POF1B: variants seen among roughly 807,000 people sequenced by gnomAD.
The protein encoded by POF1B is protein POF1B.
Under a neutral mutation model 55.3 loss-of-function variants are expected in POF1B, and 53 were observed. The ratio of observed to expected loss-of-function variants is 0.96; its 90% CI spans 0.77 to 1.20. The LOEUF (loss-of-function observed/expected upper bound fraction) is 1.20. POF1B is among the 50% of genes most tolerant of loss of function. The probability of loss-of-function intolerance (pLI) is 0.00; values close to 1 mark genes in which losing one functional copy is unlikely to be tolerated. For missense variants in POF1B, 478 were observed against 420.5 expected (o/e 1.14, Z -1.20); for synonymous variants, 188 against 148.3 (o/e 1.27, Z -1.95).
At chrX:85,329,352 A>C (rs1432855696) in intron 7 of POF1B, among the ~76,000 whole-genome samples, 1 of 111,639 alleles carries the variant, frequency 9.0e-6, no homozygotes, top group African/African-American at 3.3e-5. Context: ...GATGGTGTTG[A>C]TTAGGATAAA....
At chrX:85,334,023 G>A (rs986915883) in intron 6 of POF1B, among the ~76,000 whole-genome samples, 1 of 110,721 alleles carries the variant, frequency 9.0e-6, no homozygotes, top group African/African-American at 3.3e-5. Flanking sequence ...CAAGACCAAG[G>A]TGAAATTTCC....
rs750418715 is a variant in POF1B, at chrX:85,314,522, G to C, written c.883-16C>G. The C allele has an allele frequency of 8.7e-7, 1 of 1,144,003 alleles. No individual in the cohort carries two copies. Among genetic ancestry groups the C allele is most frequent in the South Asian group, 2.0e-5 (1 of 50,442 alleles). 94.3% of individuals were successfully genotyped at this position (1,144,003 alleles called of 1,213,427 possible). On this transcript the variant is annotated splice_polypyrimidine_tract_variant and intron_variant, in intron 8 of 16. Coordinates refer to ENST00000262753, the MANE Select transcript of POF1B (RefSeq NM_024921.4). Reference sequence around the variant, plus strand: ...TGTCTTCCGACTGTAAGAAAAAAAGGCTTATCCATGGAACAGATACATATC... The same window carrying C: ...TGTCTTCCGACTGTAAGAAAAAAAGCCTTATCCATGGAACAGATACATATC...
At chrX:85,301,898 A>G (rs1932467645) in intron 15 of POF1B, among the ~76,000 whole-genome samples, 2 of 111,910 alleles carry the variant, frequency 1.8e-5, no homozygotes, top group African/African-American at 3.2e-5. Context: ...GTGGTTTACA[A>G]GAGTCACAGT....
chrX:85,303,707 C>G (rs964277437), intron 14 of POF1B, among the ~76,000 whole-genome samples: 3 of 110,964 alleles, frequency 2.7e-5, no homozygotes, highest in Non-Finnish European at 5.7e-5. Flanking sequence ...GTGCAGGAAC[C>G]TGCAACTGAT....
chrX:85,354,540 T>C (rs1933449853), intron 4 of POF1B, among the ~76,000 whole-genome samples: 1 of 111,232 alleles, frequency 9.0e-6, no homozygotes, highest in African/African-American at 3.3e-5. Flanking sequence ...GATGACATGA[T>C]TGTATATCTA....
chrX:85,298,506 T>A (rs1486896400), intron 15 of POF1B, among the ~76,000 whole-genome samples: 1 of 111,878 alleles, frequency 8.9e-6, no homozygotes, highest in African/African-American at 3.3e-5. Context: ...GGCACACCAA[T>A]GCAGTTTTCC....
chrX:85,289,866 C>T (rs1932141878), intron 15 of POF1B, among the ~76,000 whole-genome samples: 1 of 110,890 alleles, frequency 9.0e-6, no homozygotes, highest in South Asian at 3.8e-4. Context: ...GTCTAATTTT[C>T]GACAGAAAAT....
chrX:85,378,665 A>G (rs1933960122), intron 2 of POF1B, among the ~76,000 whole-genome samples: 1 of 112,140 alleles, frequency 8.9e-6, no homozygotes, highest in South Asian at 3.7e-4. Flanking sequence ...GATGAAACAC[A>G]TATGACAATT....
In POF1B at chrX:85,353,575, C is replaced by T. The variant is rs148642412; in HGVS notation, c.439-2124G>A. Among the ~76,000 whole-genome samples the T allele has an allele frequency of 7.3e-3, 809 of 111,150 alleles. 14 individuals carry two copies. The highest frequency in any genetic ancestry group is 0.025 in the African/African-American group (766 of 30,711). The stretch of plus-strand genomic sequence containing the variant: ...TCCCCAGAACACTCAGCAAACTACA[C>T]AGTGCATAGTAATCCCTTTAACATG... On this transcript the variant is annotated intron_variant, in intron 4 of 16. Coordinates refer to ENST00000262753, the MANE Select transcript of POF1B (RefSeq NM_024921.4).
chrX:85,323,004 A>C (rs1200645601), intron 7 of POF1B, among the ~76,000 whole-genome samples: 1 of 110,241 alleles, frequency 9.1e-6, no homozygotes, highest in East Asian at 2.9e-4. Flanking sequence ...GTGGGACTGT[A>C]AACTAGTTCA....
rs182171229 is a variant in POF1B, at chrX:85,280,949, G to A, written c.1764+1254C>T. Among the ~76,000 whole-genome samples the A allele has an allele frequency of 3.4e-3, 374 of 110,735 alleles. 1 individual carries two copies. Among genetic ancestry groups the A allele is most frequent in the African/African-American group, 0.012 (363 of 30,539 alleles). On this transcript the variant is annotated intron_variant, in intron 16 of 16. Coordinates refer to ENST00000262753, the MANE Select transcript of POF1B (RefSeq NM_024921.4). ...CCTGCACATCGTAGTATGTTCAGAA[G>A]CATCCTAGTTCTCTAACCACTAGAT...
chrX:85,349,993 G>A (rs986830087), intron 5 of POF1B, among the ~76,000 whole-genome samples: 1 of 110,196 alleles, frequency 9.1e-6, no homozygotes, highest in Non-Finnish European at 1.9e-5. Context: ...AAGGACTTGC[G>A]GCTCTAGATG....
chrX:85,365,116 C>CT (rs1204775167), intron 3 of POF1B, among the ~76,000 whole-genome samples: 3 of 111,165 alleles, frequency 2.7e-5, no homozygotes, highest in South Asian at 3.8e-4. Context: ...CAGTTAGGTT[C>CT]TTTTTTTTAC....
intron 4 of POF1B, among the ~76,000 whole-genome samples, chrX:85,355,754 A>G (rs1835007428): frequency 8.9e-6 from 1 of 112,025 alleles, no homozygotes; most frequent in African/African-American, 3.2e-5. Context: ...CAAAACCACA[A>G]TGAGATACCA....
chrX:85,316,626 A>G (rs760893340), intron 7 of POF1B, among the ~76,000 whole-genome samples: 1 of 111,635 alleles, frequency 9.0e-6, no homozygotes, highest in African/African-American at 3.2e-5. Flanking sequence ...AACAGTAAAC[A>G]TGGGTTCTGA....
At chrX:85,363,695 C>T (rs1181603190) in intron 3 of POF1B, among the ~76,000 whole-genome samples, 4 of 111,390 alleles carry the variant, frequency 3.6e-5, no homozygotes, top group Non-Finnish European at 7.5e-5. Context: ...GTATGTGCTA[C>T]GTGATGATGA....
intron 15 of POF1B, among the ~76,000 whole-genome samples, chrX:85,296,988 A>G (rs1932323056): frequency 8.9e-6 from 1 of 111,880 alleles, no homozygotes; most frequent in Non-Finnish European, 1.9e-5. Flanking sequence ...TCAAGCTCCA[A>G]GATTCTTTCC....
In POF1B at chrX:85,305,894, G is replaced by A; in HGVS notation, c.1334C>T (p.Thr445Ile). 8.3e-7 allele frequency: 1 copy of A among 1,208,490 alleles called. No homozygotes were observed. Among genetic ancestry groups the A allele is most frequent in the East Asian group, 3.0e-5 (1 of 33,775 alleles). Residue 445 changes from threonine (T) to isoleucine (I), a missense_variant, in exon 13 of 17, where the codon ACA becomes ATA. Transcript: ENST00000262753. ...CATTTTAGCCTGCAACATTGGGCCTGTGCAAGTCTCAGAAACCTACAGAAG... is the reference window on the plus strand; with the variant it reads ...CATTTTAGCCTGCAACATTGGGCCTATGCAAGTCTCAGAAACCTACAGAAG... Reference protein sequence around the residue: ...NLRMQVSETCTGPMLQAKMDE... With the variant: ...NLRMQVSETCIGPMLQAKMDE...
intron 15 of POF1B, among the ~76,000 whole-genome samples, chrX:85,296,229 T>G (rs1468486411): frequency 8.9e-6 from 1 of 111,792 alleles, no homozygotes. Context: ...ATTTTGACTT[T>G]TTTACATTCA....
Sources: gnomAD v4.1 joint callset for allele counts (sites outside exome capture counted in the v4.1 genomes callset) on GRCh38, gnomAD v4.1.1 for gene constraint, MANE v1.5 for transcripts, NCBI Gene and HGNC (gene_info 2026-07-23, HGNC 2026-07-21) for gene names.